Variants in XPO4 observed in about 807,000 individuals in gnomAD.
XPO4 encodes exportin 4.
Under a neutral mutation model 143.0 loss-of-function variants are expected in XPO4, and 39 were observed. The observed-to-expected ratio is 0.27, with a 90% CI of 0.21 to 0.36. XPO4 has a LOEUF of 0.36. XPO4 is among the 10% of genes least tolerant of loss of function. The pLI is 1.00. For synonymous variants in XPO4, 439 were observed against 474.0 expected, an observed-to-expected ratio of 0.93 and a Z score of 0.96; for missense variants, 907 against 1,348.0, an observed-to-expected ratio of 0.67 and a Z score of 5.12.
intron 1 of XPO4, among the ~76,000 whole-genome samples, chr13:20,884,646 C>T (rs1413690331): frequency 6.6e-6 from 1 of 152,084 alleles, no homozygotes; most frequent in Non-Finnish European, 1.5e-5. Context: ...ATCCTGGGCT[C>T]AAGTGATTCT....
chr13:20,862,606 G>A, intron 3 of XPO4, 111 bp downstream of exon 3: 1 of 1,353,450 alleles, frequency 7.4e-7, no homozygotes, highest in Non-Finnish European at 1.0e-6. Context: ...GATTATAGGT[G>A]TGAGCCACTA....
intron 6 of XPO4, among the ~76,000 whole-genome samples, chr13:20,827,433 A>G (rs1265490956): frequency 6.6e-6 from 1 of 152,210 alleles, no homozygotes; most frequent in Admixed American, 6.6e-5. Flanking sequence ...GCATACAGAA[A>G]CTTTGAGAAC....
intron 7 of XPO4, among the ~76,000 whole-genome samples, chr13:20,823,837 A>G (rs1262173608): frequency 6.6e-6 from 1 of 152,096 alleles, no homozygotes; most frequent in Non-Finnish European, 1.5e-5. Context: ...TTTTTAGTAG[A>G]GACGGGGTTT....
intron 1 of XPO4, among the ~76,000 whole-genome samples, chr13:20,895,034 C>A (rs1248711462): frequency 6.6e-6 from 1 of 151,772 alleles, no homozygotes; most frequent in Non-Finnish European, 1.5e-5. Flanking sequence ...CAAAATTAGC[C>A]AGGCATGGTG....
At chr13:20,855,014 T>C (rs901516117) in intron 4 of XPO4, among the ~76,000 whole-genome samples, 2 of 152,206 alleles carry the variant, frequency 1.3e-5, no homozygotes, top group Non-Finnish European at 2.9e-5. Flanking sequence ...CAAAGTTCAA[T>C]AGAAACGGCT....
In XPO4 at chr13:20,860,539, C is replaced by G. The variant is rs1350886729; in HGVS notation, c.317+2178G>C. ...TGATGTGTCTGAATTACATTGTGTG[C>G]AAAACAACAAACAAAATAACAAGCA... is the stretch of plus-strand genomic sequence containing the variant. On this transcript the variant is annotated intron_variant, in intron 3 of 22. Coordinates refer to ENST00000255305, the MANE Select transcript of XPO4 (RefSeq NM_022459.5). Among the ~76,000 whole-genome samples, 8 of 152,090 alleles carry G rather than the reference C, an allele frequency of 5.3e-5. No homozygotes were observed. In the East Asian group the frequency reaches 1.5e-3, roughly 29 times the overall value.
At chr13:20,789,062 C>CA (rs1307491296) in intron 19 of XPO4, among the ~76,000 whole-genome samples, 1 of 152,140 alleles carries the variant, frequency 6.6e-6, no homozygotes, top group African/African-American at 2.4e-5. Flanking sequence ...TTTACACTTC[C>CA]AAAAACATTT....
intron 6 of XPO4, among the ~76,000 whole-genome samples, chr13:20,836,588 T>C (rs1328311002): frequency 6.6e-6 from 1 of 152,200 alleles, no homozygotes; most frequent in Non-Finnish European, 1.5e-5. Flanking sequence ...AATCTCCCTC[T>C]ATAATTCTAC....
rs2059794516 is a variant in XPO4, at chr13:20,827,106, C to T, written c.801G>A (p.Glu267=). The part of the protein sequence containing the change: ...VLLKPTESWR[E]TLLDSRVMEL... Reference sequence around the variant, plus strand: ...CCATAACTCTGCTGTCCAGAAGAGTCTCCCGCCAGGACTCTGTTGGCTTCA... The same window carrying T: ...CCATAACTCTGCTGTCCAGAAGAGTTTCCCGCCAGGACTCTGTTGGCTTCA... The change falls in exon 7 of 23, where the codon GAG becomes GAA. Residue 267 remains glutamate (E), a synonymous_variant. Coordinates refer to ENST00000255305, the MANE Select transcript of XPO4 (RefSeq NM_022459.5). 6.2e-7 allele frequency: 1 copy of T among 1,613,934 alleles called. No homozygotes were observed. The highest frequency in any genetic ancestry group is 8.5e-7 in the Non-Finnish European group (1 of 1,179,864).
At chr13:20,816,618 TATAAC>T (rs1182051836) in intron 9 of XPO4, among the ~76,000 whole-genome samples, 1 of 152,206 alleles carries the variant, frequency 6.6e-6, no homozygotes, top group Admixed American at 6.5e-5. Context: ...GAACAATAGT[TATAAC>T]AGTAAGTAAG....
chr13:20,823,935 A>G lies in XPO4; in HGVS notation c.841-1646T>C, dbSNP rs543793138. Among the ~76,000 whole-genome samples the G allele has an allele frequency of 2.6e-5, 4 of 152,350 alleles. No individual in the cohort carries two copies. The East Asian group carries it at 7.7e-4, about 29-fold the overall frequency. On this transcript the variant is annotated intron_variant, in intron 7 of 22. Transcript: ENST00000255305. Reference sequence around the variant, plus strand: ...CCAAAGTGCTGGGATTACAGGCATGAGCCACCACGCCCGGCCAACATTCAC... The same window carrying G: ...CCAAAGTGCTGGGATTACAGGCATGGGCCACCACGCCCGGCCAACATTCAC...
At chr13:20,839,813 T>A (rs1595118361) in intron 6 of XPO4, among the ~76,000 whole-genome samples, 3 of 152,098 alleles carry the variant, frequency 2.0e-5, no homozygotes, top group African/African-American at 7.2e-5. Flanking sequence ...ATAAAACCTG[T>A]CTCTACTAAA....
chr13:20,824,881 C>T (rs950688846), intron 7 of XPO4, among the ~76,000 whole-genome samples: 3 of 152,140 alleles, frequency 2.0e-5, no homozygotes, highest in African/African-American at 7.2e-5. Context: ...GTCTGTTGGC[C>T]ATCCAAATTA....
At chr13:20,846,318 T>C (rs1205226043) in intron 4 of XPO4, among the ~76,000 whole-genome samples, 2 of 152,146 alleles carry the variant, frequency 1.3e-5, no homozygotes, top group Non-Finnish European at 2.9e-5. Context: ...CAAGATAACA[T>C]GTGGTTTACG....
At chr13:20,849,606 G>A (rs2060063611) in intron 4 of XPO4, 1 of 985,292 alleles carries the variant, frequency 1.0e-6, no homozygotes, top group African/African-American at 1.7e-5. Context: ...TATAATTATG[G>A]AAGGAAAACA....
chr13:20,874,555 T>C (rs2060333272), intron 1 of XPO4, among the ~76,000 whole-genome samples: 1 of 152,180 alleles, frequency 6.6e-6, no homozygotes, highest in Non-Finnish European at 1.5e-5. Context: ...AAAGGTTAAA[T>C]TAGGCCCTAT....
chr13:20,818,982 G>A (rs555000113), intron 9 of XPO4, among the ~76,000 whole-genome samples: 121 of 152,078 alleles, frequency 8.0e-4, no homozygotes, highest in South Asian at 1.5e-3. Context: ...CACCATGCCC[G>A]GCTAATTTTT....
chr13:20,855,677 T>G lies in XPO4; in HGVS notation c.406A>C (p.Ser136Arg). The G allele has an allele frequency of 6.2e-7, 1 of 1,612,718 alleles. No homozygotes were observed. Among genetic ancestry groups the G allele is most frequent in the Non-Finnish European group, 8.5e-7 (1 of 1,179,736 alleles). The change falls in exon 4 of 23, where the codon AGC becomes CGC. Residue 136 changes from serine to arginine, a missense_variant. Transcript: ENST00000255305. ...GSLDKSIDCK[S>R]IFHEVSQLIS... ...AACTGGCTGACTTCATGAAAAATGC[T>G]TTTGCAGTCAATTGATTTATCTAAT... is the stretch of plus-strand genomic sequence containing the variant.
chr13:20,804,674 A>C (rs1348541787), intron 13 of XPO4, among the ~76,000 whole-genome samples: 1 of 152,202 alleles, frequency 6.6e-6, no homozygotes, highest in Non-Finnish European at 1.5e-5. Context: ...TTGATATTCC[A>C]AGATTAATAC....
Sources: allele counts gnomAD v4.1 joint callset (sites outside exome capture counted in the v4.1 genomes callset), GRCh38; gene constraint gnomAD v4.1.1; transcripts MANE v1.5; gene names NCBI Gene and HGNC (gene_info 2026-07-23, HGNC 2026-07-21).